The following WDR89 variants were observed in gnomAD, a reference collection of about 807,000 sequenced individuals.
WDR89 encodes the protein WD repeat-containing protein 89.
In WDR89, 17 loss-of-function variants were observed where a neutral mutation model predicts 29.1. That is an observed-to-expected ratio of 0.58 (90% confidence interval 0.40 to 0.88). The LOEUF is 0.88. Ranked by LOEUF, WDR89 falls within the 40% of genes least tolerant of loss-of-function variation. The pLI is 0.00. For synonymous variants in WDR89, 138 were observed against 157.8 expected, an observed-to-expected ratio of 0.87 and a Z score of 0.94; for missense variants, 396 against 456.3, an observed-to-expected ratio of 0.87 and a Z score of 1.20.
intron 1 of WDR89, among the ~76,000 whole-genome samples, chr14:63,627,150 A>ACACACACACACACACT (rs1433982075): frequency 7.9e-6 from 1 of 127,188 alleles, no homozygotes; most frequent in African/African-American, 3.2e-5. Flanking sequence ...ACACACACAC[A>ACACACACACACACACT]CTCTCTCTCT....
intron 1 of WDR89, among the ~76,000 whole-genome samples, chr14:63,625,922 C>T (rs1261852601): frequency 6.6e-6 from 1 of 151,048 alleles, no homozygotes; most frequent in Non-Finnish European, 1.5e-5. Context: ...AGCGTGATCT[C>T]AGCTCACTGC....
intron 1 of WDR89, among the ~76,000 whole-genome samples, chr14:63,635,298 T>C (rs1050390386): frequency 6.6e-6 from 1 of 152,206 alleles, no homozygotes; most frequent in East Asian, 1.9e-4. Context: ...GTAGGTTTCA[T>C]ACCAGGAATG....
At chr14:63,637,281 T>C (rs1490041134) in intron 1 of WDR89, among the ~76,000 whole-genome samples, 1 of 152,164 alleles carries the variant, frequency 6.6e-6, no homozygotes, top group Non-Finnish European at 1.5e-5. Flanking sequence ...GGCGTGGATG[T>C]GGTAAACAGG....
At chr14:63,605,641 G>A (rs1185844507) in intron 2 of WDR89, among the ~76,000 whole-genome samples, 1 of 152,020 alleles carries the variant, frequency 6.6e-6, no homozygotes, top group East Asian at 1.9e-4. Context: ...TGTGTTTTTA[G>A]TAGAGACAGG....
chr14:63,622,251 A>T (rs532952042), intron 2 of WDR89, among the ~76,000 whole-genome samples: 1 of 152,200 alleles, frequency 6.6e-6, no homozygotes, highest in South Asian at 2.1e-4. Context: ...CCTGGCCAAC[A>T]AGGTGAAACC....
chr14:63,641,024 G>C (rs770344547), intron 1 of WDR89, among the ~76,000 whole-genome samples: 2 of 148,928 alleles, frequency 1.3e-5, no homozygotes, highest in Non-Finnish European at 3.0e-5. Flanking sequence ...CTTGAACCCG[G>C]GGGGCGGAGG....
chr14:63,625,331 T>G (rs544651217), intron 1 of WDR89, among the ~76,000 whole-genome samples: 2 of 150,472 alleles, frequency 1.3e-5, no homozygotes, highest in South Asian at 4.2e-4. Flanking sequence ...AGGAAACTTT[T>G]TGGGTGATGA....
chr14:63,639,951 C>A (rs1052770575), intron 1 of WDR89, among the ~76,000 whole-genome samples: 16 of 152,272 alleles, frequency 1.1e-4, no homozygotes, highest in African/African-American at 3.9e-4. Context: ...CACCGCACTC[C>A]CGTCTGGAAA....
rs532733725 is a variant in WDR89 at position 63,605,774 on chromosome 14, A to G, written c.-31-5801T>C. ...CATGCCCGGCAAGACTATACTTTTA[A>G]TCGTTATTTTAGAGTGGACTTTCTC... On this transcript the variant is annotated intron_variant, in intron 2 of 2. Transcript: ENST00000620954. Among the ~76,000 whole-genome samples, 125 of 152,014 alleles carry G rather than the reference A, an allele frequency of 8.2e-4. 1 individual carries two copies. Among genetic ancestry groups the G allele is most frequent in the Admixed American group, 1.4e-3 (21 of 15,262 alleles).
rs781507336 is a variant in WDR89, at chr14:63,598,133, C to T, written c.*646G>A. 55 of 152,172 alleles carry T rather than the reference C, an allele frequency of 3.6e-4. 1 individual carries two copies. The highest frequency in any genetic ancestry group is 3.6e-3 in the Admixed American group (55 of 15,270). The allele number at this position is 152,172 out of a possible 1,614,324, so 9.4% of individuals were successfully genotyped here. A position where few individuals can be genotyped will look rare whatever the true frequency, so the allele number is the denominator to read the frequency against. ...TATAAATATTTTCATTTTTGTATTT[C>T]ACTTTGAGTCTCAATTTACCAAGAT... On this transcript the variant is annotated 3_prime_UTR_variant, in exon 3 of 3. Coordinates refer to ENST00000620954, the MANE Select transcript of WDR89 (RefSeq NM_080666.4).
chr14:63,617,603 G>A (rs1191751366), intron 2 of WDR89, among the ~76,000 whole-genome samples: 2 of 152,070 alleles, frequency 1.3e-5, no homozygotes, highest in Non-Finnish European at 2.9e-5. Context: ...TCCTGCCTCA[G>A]CCTCACAAAC....
chr14:63,600,794 G>A (rs1179913034), intron 2 of WDR89, among the ~76,000 whole-genome samples: 1 of 140,880 alleles, frequency 7.1e-6, no homozygotes, highest in Non-Finnish European at 1.5e-5. Context: ...CCTGGAATCT[G>A]TGAATATGTT....
At chr14:63,631,029 T>G (rs1177893776) in intron 1 of WDR89, among the ~76,000 whole-genome samples, 2 of 152,184 alleles carry the variant, frequency 1.3e-5, no homozygotes, top group African/African-American at 2.4e-5. Context: ...GCCTCCCAAG[T>G]GCTGGGATTA....
intron 1 of WDR89, among the ~76,000 whole-genome samples, chr14:63,632,566 G>C (rs1263797770): frequency 6.6e-6 from 1 of 151,990 alleles, no homozygotes; most frequent in Non-Finnish European, 1.5e-5. Flanking sequence ...CCGGGAGGTG[G>C]AGGTTGCAGT....
intron 1 of WDR89, chr14:63,641,443 G>A (rs1441094177): frequency 6.6e-6 from 1 of 152,232 alleles, no homozygotes; most frequent in Non-Finnish European, 1.5e-5. Context: ...TTTAGTGGTG[G>A]GGAGAGTATC....
intron 2 of WDR89, among the ~76,000 whole-genome samples, chr14:63,620,885 G>A (rs1192741644): frequency 7.3e-6 from 1 of 136,246 alleles, no homozygotes; most frequent in Non-Finnish European, 1.5e-5. Context: ...GTGACACAGC[G>A]AGACTCCATC....
At chr14:63,629,953 ATT>A in intron 1 of WDR89, among the ~76,000 whole-genome samples, 1 of 151,290 alleles carries the variant, frequency 6.6e-6, no homozygotes, top group South Asian at 2.1e-4. Flanking sequence ...TCATAAACAC[ATT>A]TTTTTTTCTT....
intron 2 of WDR89, among the ~76,000 whole-genome samples, chr14:63,622,797 G>A (rs1048060744): frequency 6.6e-6 from 1 of 152,060 alleles, no homozygotes; most frequent in African/African-American, 2.4e-5. Context: ...TAAAATGCAT[G>A]ACAATAATAG....
At chr14:63,625,564 T>C (rs80080898) in intron 1 of WDR89, among the ~76,000 whole-genome samples, 1,838 of 152,244 alleles carry the variant, frequency 0.012, 53 homozygotes, top group African/African-American at 0.042. Flanking sequence ...GCAAAACTAA[T>C]GTATGATGAT....
Sources: gnomAD v4.1 joint callset for allele counts (sites outside exome capture counted in the v4.1 genomes callset) on GRCh38, gnomAD v4.1.1 for gene constraint, MANE v1.5 for transcripts, NCBI Gene and HGNC (gene_info 2026-07-23, HGNC 2026-07-21) for gene names.